The following SCGB1D4 variants were observed in gnomAD, a reference collection of about 807,000 sequenced individuals.
SCGB1D4 encodes the protein IFN-gamma inducible SCGB (IIS).
In SCGB1D4, 6 loss-of-function variants were observed where a neutral mutation model predicts 8.1. That is an observed-to-expected ratio of 0.74 (90% CI 0.40 to 1.45). SCGB1D4 has a LOEUF of 1.45. SCGB1D4 is among the 40% of genes most tolerant of loss of function. The pLI, the probability that SCGB1D4 is intolerant of heterozygous loss-of-function variation, is 0.02. For missense variants in SCGB1D4, 93 were observed against 95.0 expected (o/e 0.98, Z 0.09); for synonymous variants, 34 against 38.1 (o/e 0.89, Z 0.39).
chr11:62,299,012 G>C lies in SCGB1D4; in HGVS notation c.-2C>G, dbSNP rs144486036. Reference sequence around the variant, plus strand: ...CAGGAGACACACTGACAGCCTCATGGTGGCTTATTCGGCTGTGAGCTCAGC... The same window carrying C: ...CAGGAGACACACTGACAGCCTCATGCTGGCTTATTCGGCTGTGAGCTCAGC... On this transcript the variant is annotated 5_prime_UTR_variant, in exon 1 of 3. Transcript: ENST00000358585. The C allele has an allele frequency of 1.2e-6, 2 of 1,613,598 alleles. No individual in the cohort carries two copies. Among genetic ancestry groups the C allele is most frequent in the African/African-American group, 2.7e-5 (2 of 75,020 alleles).
chr11:62,298,506 C>G (rs1225233422), intron 1 of SCGB1D4, among the ~76,000 whole-genome samples: 1 of 152,098 alleles, frequency 6.6e-6, no homozygotes, highest in Non-Finnish European at 1.5e-5. Context: ...TGCCTGTTAT[C>G]CCAGCACTTT....
In SCGB1D4 at chr11:62,296,348, T is replaced by C. The variant is rs1171652361; in HGVS notation, c.*62A>G. On this transcript the variant is annotated 3_prime_UTR_variant, in exon 3 of 3. Coordinates refer to ENST00000358585, the MANE Select transcript of SCGB1D4 (RefSeq NM_206998.2). ...ACAATTTTTAGTGAAGATCAGGGTG[T>C]CGTTGAAAGACTTTGGAAACCAGGT... 1.4e-6 allele frequency: 2 copies of C among 1,451,310 alleles called. No homozygotes were observed. Among genetic ancestry groups the C allele is most frequent in the African/African-American group, 2.8e-5 (2 of 71,712 alleles). The allele number at this position is 1,451,310 out of a possible 1,614,324, so 89.9% of individuals were successfully genotyped here. A position where few individuals can be genotyped will look rare whatever the true frequency, so the allele number is the denominator to read the frequency against.
At chr11:62,296,492 C>T in intron 2 of SCGB1D4, 73 bp from the exon 3 acceptor site, 2 of 1,489,484 alleles carry the variant, frequency 1.3e-6, no homozygotes, top group South Asian at 1.2e-5. Flanking sequence ...GATAGGCTAA[C>T]ATCAAAGAGG....
At position 62,296,353 on chromosome 11, in the gene SCGB1D4, G is replaced by C. The variant is rs371340834; in HGVS notation, c.*57C>G. 3 of 1,536,938 alleles carry C rather than the reference G, an allele frequency of 2.0e-6. No homozygotes were observed. The highest frequency in any genetic ancestry group is 2.7e-6 in the Non-Finnish European group (3 of 1,110,144). ...TTTTAGTGAAGATCAGGGTGTCGTT[G>C]AAAGACTTTGGAAACCAGGTTGAGC... On this transcript the variant is annotated 3_prime_UTR_variant, in exon 3 of 3. Transcript: ENST00000358585.
intron 1 of SCGB1D4, among the ~76,000 whole-genome samples, chr11:62,298,335 C>T (rs936208937): frequency 1.3e-5 from 2 of 152,118 alleles, no homozygotes; most frequent in South Asian, 2.1e-4. Flanking sequence ...AGCCCAGGTT[C>T]ACCCCAGACC....
In SCGB1D4 at chr11:62,297,544, G is replaced by T. The variant is rs762286351; in HGVS notation, c.170C>A (p.Ala57Glu). ...GCAGTGCTTCACTTCCAACTTGGCT[G>T]CAAGAGCTTCTGGAGGTGGATTAAG... Reference protein sequence around the residue: ...AKLNPPPEALAAKLEVKHCTD... With the variant: ...AKLNPPPEALEAKLEVKHCTD... The change falls in exon 2 of 3, where the codon GCA becomes GAA. Residue 57 changes from alanine to glutamate, a missense_variant. By Grantham distance (107) the Ala-to-Glu change is moderately radical (BLOSUM62 -1). Coordinates refer to ENST00000358585, the MANE Select transcript of SCGB1D4 (RefSeq NM_206998.2). 3.7e-6 allele frequency: 6 copies of T among 1,614,024 alleles called. No individual in the cohort carries two copies. The highest frequency in any genetic ancestry group is 3.3e-5 in the South Asian group (3 of 91,080).
chr11:62,298,881 A>T, intron 1 of SCGB1D4, 75 bp downstream of exon 1: 1 of 1,485,348 alleles, frequency 6.7e-7, no homozygotes, highest in Non-Finnish European at 9.2e-7. Context: ...AACCCAAAGC[A>T]CAAATAGGTG....
chr11:62,297,822 C>T (rs1945455195), intron 1 of SCGB1D4, among the ~76,000 whole-genome samples, 164 bp from the exon 2 acceptor site: 1 of 152,048 alleles, frequency 6.6e-6, no homozygotes, highest in Non-Finnish European at 1.5e-5. Context: ...CTCCGGGTCA[C>T]ACAACAAAGG....
chr11:62,297,355 T>C (rs1372500867), intron 2 of SCGB1D4, 117 bp downstream of exon 2: 5 of 835,414 alleles, frequency 6.0e-6, no homozygotes, highest in Admixed American at 4.5e-5. Flanking sequence ...TCACTCCCCA[T>C]GTCCTCAGCA....
intron 1 of SCGB1D4, among the ~76,000 whole-genome samples, chr11:62,298,046 G>GTGTGTGTGTT (rs1565139740): frequency 1.5e-5 from 1 of 67,702 alleles, no homozygotes; most frequent in African/African-American, 5.5e-5. Flanking sequence ...GTGTGTGTGT[G>GTGTGTGTGTT]TTTTGTTTTG....
rs148694656 is a variant in SCGB1D4 at position 62,297,579 on chromosome 11, T to A, written c.135A>T (p.Gln45His). ...CTGGAGGTGGATTAAGTTTGGCAAC[T>A]TGGAGGTTTACCGCAGCGTCACTTA... ...LFLSDAAVNL[Q>H]VAKLNPPPEA... Residue 45 changes from glutamine (Q) to histidine (H), a missense_variant, in exon 2 of 3, where the codon CAA becomes CAT. By Grantham distance (24) the Gln-to-His change is conservative (BLOSUM62 0). Coordinates refer to ENST00000358585, the MANE Select transcript of SCGB1D4 (RefSeq NM_206998.2). 145 of 1,613,632 alleles carry A rather than the reference T, an allele frequency of 9.0e-5. 1 individual carries two copies. Among genetic ancestry groups the A allele is most frequent in the Middle Eastern group, 3.3e-4 (2 of 6,054 alleles).
intron 2 of SCGB1D4, 105 bp downstream of exon 2, chr11:62,297,367 A>ATC: frequency 1.1e-6 from 1 of 919,750 alleles, no homozygotes. Flanking sequence ...TCCTCAGCAC[A>ATC]CTCTGGGGAC....
chr11:62,297,397 C>A, intron 2 of SCGB1D4, 75 bp downstream of exon 2: 1 of 1,166,466 alleles, frequency 8.6e-7, no homozygotes, highest in Non-Finnish European at 1.3e-6. Flanking sequence ...AGGCAGGTGA[C>A]CTGACAAGAA....
intron 1 of SCGB1D4, among the ~76,000 whole-genome samples, chr11:62,298,097 A>C (rs1590682740): frequency 7.4e-6 from 1 of 134,262 alleles, no homozygotes; most frequent in Admixed American, 8.8e-5. Flanking sequence ...CATGTTGCCC[A>C]GGCTGGTGCT....
chr11:62,298,575 A>G (rs1033401133), intron 1 of SCGB1D4, among the ~76,000 whole-genome samples: 1 of 152,046 alleles, frequency 6.6e-6, no homozygotes, highest in African/African-American at 2.4e-5. Context: ...CCTGACCAAC[A>G]TGGAGAAACC....
At chr11:62,297,441 T>C (rs1451866191) in intron 2 of SCGB1D4, 31 bp downstream of exon 2, 4 of 1,546,800 alleles carry the variant, frequency 2.6e-6, no homozygotes, top group South Asian at 1.1e-5. Context: ...TGAGTTGAAT[T>C]CTGCCTCTGC....
chr11:62,297,653 C>T lies in SCGB1D4; in HGVS notation c.61G>A (p.Ala21Thr), dbSNP rs1945453860. ...GAAGCAACAGCTGGGCAGACAAGAGCATGGGCTGCAGCACAAAAATAAAAA... is the reference window on the plus strand; with the variant it reads ...GAAGCAACAGCTGGGCAGACAAGAGTATGGGCTGCAGCACAAAAATAAAAA... ...SLALCCYQAH[A>T]LVCPAVASEI... Residue 21 changes from alanine (A) to threonine (T), a missense_variant, in exon 2 of 3, where the codon GCT becomes ACT. Physicochemically the swap from Ala to Thr is moderately conservative, Grantham distance 58. Transcript: ENST00000358585. The T allele has an allele frequency of 1.2e-6, 2 of 1,610,654 alleles. No individual in the cohort carries two copies. The highest frequency in any genetic ancestry group is 2.7e-5 in the African/African-American group (2 of 74,640).
rs1945452275 is a variant in SCGB1D4 at position 62,297,519 on chromosome 11, G to T, written c.195C>A (p.Cys65Ter). 1 of 1,613,750 alleles carries T rather than the reference G, an allele frequency of 6.2e-7. No homozygotes were observed. The highest frequency in any genetic ancestry group is 2.2e-5 in the East Asian group (1 of 44,892). Residue 65 changes from cysteine (C) to a stop codon, truncating the protein, a stop_gained, in exon 2 of 3, where the codon TGC (cysteine) becomes TGA (stop). Transcript: ENST00000358585. LOFTEE classifies it low-confidence loss of function (END_TRUNC). ...ALAAKLEVKH[C>*]TDQISFKKRL... The stretch of plus-strand genomic sequence containing the variant: ...GTTTCTTAAAAGATATCTGATCGGT[G>T]CAGTGCTTCACTTCCAACTTGGCTG...
At position 62,296,294 on chromosome 11, in the gene SCGB1D4, A is replaced by G; in HGVS notation, c.*116T>C. 1.1e-6 allele frequency: 1 copy of G among 928,878 alleles called. No homozygotes were observed. Among genetic ancestry groups the G allele is most frequent in the Non-Finnish European group, 1.8e-6 (1 of 560,616 alleles). 57.5% of individuals were successfully genotyped at this position (928,878 alleles called of 1,614,324 possible). ...CCAGTGGAGATGTGCAGGGCAAGTG[A>G]TTTATTAAAGCAACGTGTTGAAACC... On this transcript the variant is annotated 3_prime_UTR_variant, in exon 3 of 3. Coordinates refer to ENST00000358585, the MANE Select transcript of SCGB1D4 (RefSeq NM_206998.2).
Sources: gnomAD v4.1 joint callset for allele counts (sites outside exome capture counted in the v4.1 genomes callset) on GRCh38, gnomAD v4.1.1 for gene constraint, MANE v1.5 for transcripts, NCBI Gene and HGNC (gene_info 2026-07-23, HGNC 2026-07-21) for gene names.